Variants in LDB2 observed in about 807,000 individuals in gnomAD.
The protein encoded by LDB2 is LIM domain binding 2, also known as LIM domain-binding protein 2.
LDB2 carries 12 observed loss-of-function variants against 44.3 expected under a neutral mutation model. The observed-to-expected ratio is 0.27, with a 90% CI of 0.17 to 0.44. LDB2 has a LOEUF of 0.44. LDB2 is among the 20% of genes least tolerant of loss of function. The probability of loss-of-function intolerance (pLI) is 1.00; values close to 1 mark genes in which losing one functional copy is unlikely to be tolerated. For synonymous variants in LDB2, 164 were observed against 174.8 expected, an observed-to-expected ratio of 0.94 and a Z score of 0.49; for missense variants, 344 against 473.5, an observed-to-expected ratio of 0.73 and a Z score of 2.54.
chr4:16,864,780 C>G (rs1296375189), intron 1 of LDB2, among the ~76,000 whole-genome samples: 1 of 151,700 alleles, frequency 6.6e-6, no homozygotes, highest in East Asian at 2.0e-4. Flanking sequence ...CAAAAATTAG[C>G]TGGGCGTGGT....
chr4:16,884,776 T>C (rs1356597579), intron 1 of LDB2, among the ~76,000 whole-genome samples: 1 of 152,198 alleles, frequency 6.6e-6, no homozygotes, highest in Non-Finnish European at 1.5e-5. Context: ...TTAACCCTTA[T>C]AGGGTGCAGG....
chr4:16,813,329 C>A (rs1281780833), intron 1 of LDB2, among the ~76,000 whole-genome samples: 2 of 152,130 alleles, frequency 1.3e-5, no homozygotes, highest in African/African-American at 4.8e-5. Context: ...TAGCATTTAA[C>A]TAACAATAGG....
At chr4:16,559,521 C>T (rs1454509083) in intron 5 of LDB2, among the ~76,000 whole-genome samples, 1 of 152,142 alleles carries the variant, frequency 6.6e-6, no homozygotes, top group Non-Finnish European at 1.5e-5. Flanking sequence ...GCTAACTATC[C>T]TAAATATATA....
chr4:16,597,393 G>A (rs1721275953), intron 2 of LDB2, among the ~76,000 whole-genome samples: 1 of 151,948 alleles, frequency 6.6e-6, no homozygotes, highest in Admixed American at 6.6e-5. Context: ...AATACTGCAT[G>A]CTCATTTTCT....
At chr4:16,636,102 C>G (rs1223316417) in intron 2 of LDB2, among the ~76,000 whole-genome samples, 1 of 152,146 alleles carries the variant, frequency 6.6e-6, no homozygotes, top group Non-Finnish European at 1.5e-5. Flanking sequence ...AAAACACCAC[C>G]ACAAATTACT....
At chr4:16,725,242 TCA>T (rs144411578) in intron 2 of LDB2, among the ~76,000 whole-genome samples, 179 of 149,216 alleles carry the variant, frequency 1.2e-3, no homozygotes, top group African/African-American at 2.0e-3. Flanking sequence ...ATACACAAGT[TCA>T]CACACACACA....
intron 1 of LDB2, among the ~76,000 whole-genome samples, chr4:16,829,049 A>G (rs1462080869): frequency 6.6e-6 from 1 of 152,164 alleles, no homozygotes; most frequent in African/African-American, 2.4e-5. Flanking sequence ...GAGCACTTAC[A>G]TGCCCTACCC....
At chr4:16,647,837 C>G (rs1442297955) in intron 2 of LDB2, among the ~76,000 whole-genome samples, 1 of 152,184 alleles carries the variant, frequency 6.6e-6, no homozygotes, top group Non-Finnish European at 1.5e-5. Context: ...GAGACCTTAC[C>G]TGACTCTCAG....
intron 1 of LDB2, among the ~76,000 whole-genome samples, chr4:16,850,233 G>A (rs1787913271): frequency 6.6e-6 from 1 of 152,048 alleles, no homozygotes; most frequent in Non-Finnish European, 1.5e-5. Flanking sequence ...GACACATCTA[G>A]CCAGAGAAAG....
chr4:16,611,312 G>A (rs1419947529), intron 2 of LDB2, among the ~76,000 whole-genome samples: 2 of 152,160 alleles, frequency 1.3e-5, no homozygotes, highest in African/African-American at 2.4e-5. Context: ...GTCAACTAGT[G>A]TGCAAAATAA....
intron 2 of LDB2, among the ~76,000 whole-genome samples, chr4:16,659,689 A>ATATATATG (rs1310756163): frequency 6.4e-5 from 9 of 140,630 alleles, no homozygotes; most frequent in Admixed American, 2.8e-4. Context: ...ATATATATAT[A>ATATATATG]TATGTATGTA....
intron 2 of LDB2, among the ~76,000 whole-genome samples, chr4:16,694,628 G>C (rs980691330): frequency 2.0e-5 from 3 of 151,832 alleles, no homozygotes; most frequent in East Asian, 3.9e-4. Context: ...GACACAGCCG[G>C]CTTGAAACTT....
chr4:16,879,538 G>A (rs1719439552), intron 1 of LDB2, among the ~76,000 whole-genome samples: 1 of 152,206 alleles, frequency 6.6e-6, no homozygotes, highest in East Asian at 1.9e-4. Flanking sequence ...CTGCCTGGCT[G>A]TTTAAGAGCT....
At chr4:16,739,851 C>T (rs1762880964) in intron 2 of LDB2, among the ~76,000 whole-genome samples, 2 of 148,668 alleles carry the variant, frequency 1.3e-5, no homozygotes, top group Admixed American at 1.4e-4. Context: ...AATATCAGTT[C>T]ATTTGCTGGA....
chr4:16,759,124 G>A (rs1230732780), intron 2 of LDB2, 34 bp downstream of exon 2: 10 of 1,458,526 alleles, frequency 6.9e-6, no homozygotes, highest in East Asian at 6.8e-5. Context: ...GGCACAAAAC[G>A]AGGTAATATT....
At chr4:16,837,757 C>T (rs917981953) in intron 1 of LDB2, among the ~76,000 whole-genome samples, 3 of 152,228 alleles carry the variant, frequency 2.0e-5, no homozygotes, top group Non-Finnish European at 2.9e-5. Context: ...GGGCTACTCA[C>T]CTCAGTGCAG....
chr4:16,581,657 CT>C (rs1714516944), intron 5 of LDB2, among the ~76,000 whole-genome samples: 1 of 152,130 alleles, frequency 6.6e-6, no homozygotes, highest in South Asian at 2.1e-4. Context: ...ACCTACTCAA[CT>C]TTTAGAATCA....
At chr4:16,727,726 T>C (rs1463209878) in intron 2 of LDB2, among the ~76,000 whole-genome samples, 1 of 152,240 alleles carries the variant, frequency 6.6e-6, no homozygotes, top group South Asian at 2.1e-4. Flanking sequence ...ATCCCACTCT[T>C]TCTGTCCTAC....
At chr4:16,632,303 C>G (rs1732192625) in intron 2 of LDB2, among the ~76,000 whole-genome samples, 1 of 152,124 alleles carries the variant, frequency 6.6e-6, no homozygotes, top group South Asian at 2.1e-4. Context: ...AAATGTAATC[C>G]ACCACATAAA....
Sources: gnomAD v4.1 joint callset for allele counts (sites outside exome capture counted in the v4.1 genomes callset) on GRCh38, gnomAD v4.1.1 for gene constraint, MANE v1.5 for transcripts, NCBI Gene and HGNC (gene_info 2026-07-23, HGNC 2026-07-21) for gene names.